FLNB: variants seen among roughly 807,000 people sequenced by gnomAD.
FLNB encodes the protein filamin-B.
Under a neutral mutation model 250.6 loss-of-function variants are expected in FLNB, and 111 were observed. That is an observed-to-expected ratio of 0.44 (90% CI 0.38 to 0.52). The LOEUF (loss-of-function observed/expected upper bound fraction) is 0.52, where lower values mean the gene tolerates loss of function less well. FLNB is among the 20% of genes least tolerant of loss of function. The pLI is 0.00. For synonymous variants in FLNB, 1,302 were observed against 1,372.1 expected, an observed-to-expected ratio of 0.95 and a Z score of 1.13; for missense variants, 2,869 against 3,447.8, an observed-to-expected ratio of 0.83 and a Z score of 4.20.
At chr3:58,081,585 A>C in intron 3 of FLNB, 44 bp from the exon 4 acceptor site, 1 of 1,601,480 alleles carries the variant, frequency 6.2e-7, no homozygotes, top group Non-Finnish European at 8.6e-7. Flanking sequence ...AATAGTTGCA[A>C]AGTGATGTGT....
intron 41 of FLNB, among the ~76,000 whole-genome samples, chr3:58,157,261 A>C (rs1016961943): frequency 5.3e-5 from 8 of 152,202 alleles, no homozygotes; most frequent in East Asian, 1.9e-4. Flanking sequence ...TCGAAATCCC[A>C]AAGTATGATT....
chr3:58,110,457 A>ATT (rs146712704), intron 16 of FLNB, among the ~76,000 whole-genome samples: 22 of 142,902 alleles, frequency 1.5e-4, no homozygotes, highest in Non-Finnish European at 2.3e-4. Context: ...TTATTTTTTT[A>ATT]TTTTTTTTTT....
intron 1 of FLNB, among the ~76,000 whole-genome samples, chr3:58,046,794 C>G (rs2097155002): frequency 6.6e-6 from 1 of 152,164 alleles, no homozygotes; most frequent in South Asian, 2.1e-4. Flanking sequence ...GTCACTCTCC[C>G]TTTCCCTTCC....
At chr3:58,122,191 CA>C (rs200023047) in intron 20 of FLNB, among the ~76,000 whole-genome samples, 4 of 126,896 alleles carry the variant, frequency 3.2e-5, no homozygotes, top group East Asian at 2.5e-4. Flanking sequence ...AAAAAAACCA[CA>C]AAAAAAAACA....
rs193092412 is a variant in FLNB, at chr3:58,066,566, G to A, written c.293-10480G>A. Among the ~76,000 whole-genome samples, 6 of 152,216 alleles carry A rather than the reference G, an allele frequency of 3.9e-5. No individual in the cohort carries two copies. The East Asian group carries it at 5.8e-4, about 15-fold the overall frequency. On this transcript the variant is annotated intron_variant, in intron 1 of 45. Coordinates refer to ENST00000295956, the MANE Select transcript of FLNB (RefSeq NM_001457.4). ...TTTCTAACAAGAGGTTGGAATCCTC[G>A]TTTTGACTTTTAAAGGATTTCCCAG...
chr3:58,168,871 G>A (rs534999868), intron 44 of FLNB: 1 of 591,018 alleles, frequency 1.7e-6, no homozygotes, highest in South Asian at 1.9e-5. Flanking sequence ...AGCATGTTAG[G>A]ATGTTAGGTG....
chr3:58,149,113 C>T (rs1057380793), intron 36 of FLNB: 2 of 494,000 alleles, frequency 4.0e-6, no homozygotes, highest in Non-Finnish European at 7.4e-6. Flanking sequence ...GCCACAACAC[C>T]TCGCAAACCC....
chr3:58,098,866 G>T lies in FLNB; in HGVS notation c.1303G>T (p.Asp435Tyr). 6.2e-7 allele frequency: 1 copy of T among 1,614,130 alleles called. No homozygotes were observed. The highest frequency in any genetic ancestry group is 1.1e-5 in the South Asian group (1 of 91,074). Residue 435 changes from aspartate to tyrosine, a missense_variant, in exon 8 of 46, where the codon GAC (aspartate) becomes TAC (tyrosine). Physicochemically the swap from Asp to Tyr is radical, Grantham distance 160. Transcript: ENST00000295956. ...PHVVKIFFAG[D>Y]TIPKSPFVVQ... ...CGTGGTCAAGATCTTCTTTGCTGGG[G>T]ACACTATTCCTAAGAGTCCCTTCGT... is the stretch of plus-strand genomic sequence containing the variant.
chr3:58,133,423 C>A, intron 26 of FLNB, among the ~76,000 whole-genome samples: 1 of 143,466 alleles, frequency 7.0e-6, no homozygotes, highest in African/African-American at 2.7e-5. Context: ...ATAGACCCTC[C>A]CCTGACATCT....
At chr3:58,157,576 T>C (rs539584568) in intron 41 of FLNB, among the ~76,000 whole-genome samples, 1 of 151,514 alleles carries the variant, frequency 6.6e-6, no homozygotes, top group East Asian at 1.9e-4. Flanking sequence ...GATGTTTTTC[T>C]TGTGTTTCAT....
chr3:58,088,038 CTTTTTTTTT>C (rs56009116), intron 4 of FLNB, among the ~76,000 whole-genome samples: 1 of 84,520 alleles, frequency 1.2e-5, no homozygotes. Flanking sequence ...GGCGCCCAGC[CTTTTTTTTT>C]TTTTTTTTTT....
intron 18 of FLNB, among the ~76,000 whole-genome samples, chr3:58,115,998 C>T (rs2097277177): frequency 6.6e-6 from 1 of 152,038 alleles, no homozygotes; most frequent in Non-Finnish European, 1.5e-5. Flanking sequence ...TTCCCACCCC[C>T]ACCCCCAGCA....
chr3:58,122,858 T>C (rs543982494), intron 20 of FLNB, among the ~76,000 whole-genome samples: 2 of 152,290 alleles, frequency 1.3e-5, no homozygotes, highest in South Asian at 4.1e-4. Context: ...GAGGGGCTGC[T>C]CCATGGGGGT....
intron 12 of FLNB, among the ~76,000 whole-genome samples, chr3:58,107,381 T>C (rs576774272): frequency 1.6e-4 from 24 of 152,334 alleles, no homozygotes; most frequent in Admixed American, 8.5e-4. Context: ...TTTATAGTGT[T>C]GGGCAAGTAA....
intron 18 of FLNB, among the ~76,000 whole-genome samples, chr3:58,114,986 A>G (rs2097275375): frequency 6.6e-6 from 1 of 150,500 alleles, no homozygotes; most frequent in Non-Finnish European, 1.5e-5. Flanking sequence ...ATATTCTCTC[A>G]CTCCTTGGTT....
chr3:58,053,580 C>A (rs928749471), intron 1 of FLNB, among the ~76,000 whole-genome samples: 16 of 152,176 alleles, frequency 1.1e-4, no homozygotes, highest in Admixed American at 9.8e-4. Flanking sequence ...TCTGCTTCAG[C>A]CTCCCCAGTA....
intron 28 of FLNB, 93 bp from the exon 29 acceptor site, chr3:58,138,189 C>T (rs1429418970): frequency 6.5e-7 from 1 of 1,543,504 alleles, no homozygotes; most frequent in East Asian, 2.2e-5. Context: ...CTAACATTTA[C>T]AGGCACAGAC....
chr3:58,141,855 C>T lies in FLNB; in HGVS notation c.5110-3C>T, dbSNP rs1281643711. 1 of 1,613,866 alleles carries T rather than the reference C, an allele frequency of 6.2e-7. No homozygotes were observed. Among genetic ancestry groups the T allele is most frequent in the Non-Finnish European group, 8.5e-7 (1 of 1,179,840 alleles). ...CAACTAATCTCCATTTGCCACTGAC[C>T]AGGCCACAGATGGGGAAGTCACAGC... On this transcript the variant is annotated splice_region_variant and splice_polypyrimidine_tract_variant and intron_variant, in intron 29 of 45. Transcript: ENST00000295956.
Position 58,121,246 on chromosome 3 carries a change from GA to G in FLNB, c.2871del (p.Val958LeufsTer22), listed in dbSNP as rs779263535. On this transcript the variant is annotated frameshift_variant, in exon 20 of 46. Coordinates refer to ENST00000295956, the MANE Select transcript of FLNB (RefSeq NM_001457.4). LOFTEE classifies it high-confidence loss of function. ...IKLNGLENRV[E>X]VGKDQEFTVD... is the part of the protein sequence containing the mutation. ...AGCTTGTGTTTCTTTTCCAGGGGTGGAAGTTGGGAAGGATCAGGAGTTCACC... is the reference window on the plus strand; with the variant it reads ...AGCTTGTGTTTCTTTTCCAGGGGTGGAGTTGGGAAGGATCAGGAGTTCACC... The G allele has an allele frequency of 8.7e-6, 14 of 1,614,190 alleles. No homozygotes were observed. The highest frequency in any genetic ancestry group is 1.2e-5 in the Non-Finnish European group (14 of 1,180,048).
Sources: allele counts gnomAD v4.1 joint callset (sites outside exome capture counted in the v4.1 genomes callset), GRCh38; gene constraint gnomAD v4.1.1; transcripts MANE v1.5; gene names NCBI Gene and HGNC (gene_info 2026-07-23, HGNC 2026-07-21).